The following CCDC171 variants were observed in gnomAD, a reference collection of about 807,000 sequenced individuals.
CCDC171 encodes the protein coiled-coil domain-containing protein 171.
A neutral mutation model predicts 168.2 loss-of-function variants in CCDC171; 177 were observed. The observed-to-expected ratio is 1.05, with a 90% confidence interval of 0.93 to 1.19. CCDC171 has a LOEUF of 1.19. Ranked by LOEUF, CCDC171 falls within the 50% of genes most tolerant of loss-of-function variation. CCDC171 has a pLI of 0.00. For synonymous variants in CCDC171, 687 were observed against 540.8 expected, an observed-to-expected ratio of 1.27 and a Z score of -3.75; for missense variants, 1,991 against 1,539.0, an observed-to-expected ratio of 1.29 and a Z score of -4.91.
At chr9:15,825,886 C>A (rs1296149647) in intron 21 of CCDC171, among the ~76,000 whole-genome samples, 1 of 152,118 alleles carries the variant, frequency 6.6e-6, no homozygotes, top group Non-Finnish European at 1.5e-5. Context: ...CACTAAGCTT[C>A]CAGAGGATTA....
rs367617040 is a variant in CCDC171 at position 15,631,120 on chromosome 9, G to A, written c.822+7707G>A. On this transcript the variant is annotated intron_variant, in intron 7 of 25. Coordinates refer to ENST00000380701, the MANE Select transcript of CCDC171 (RefSeq NM_173550.4). ...CATCACAATTAAAAGAACTAGAGAA[G>A]CAAGAGCAAACACATTCAAAAGCTA... Among the ~76,000 whole-genome samples, 108 of 152,054 alleles carry A rather than the reference G, an allele frequency of 7.1e-4. 2 individuals are homozygous for A. In the East Asian group the frequency reaches 0.018, roughly 26 times the overall value.
At chr9:15,620,431 A>G (rs956039390) in intron 6 of CCDC171, among the ~76,000 whole-genome samples, 4 of 152,166 alleles carry the variant, frequency 2.6e-5, no homozygotes, top group Non-Finnish European at 4.4e-5. Flanking sequence ...CTTCAGTGGA[A>G]TAAGTTACTG....
At chr9:15,984,726 T>G (rs1043888177) in intron 3 of CCDC171, among the ~76,000 whole-genome samples, 1 of 152,122 alleles carries the variant, frequency 6.6e-6, no homozygotes, top group Non-Finnish European at 1.5e-5. Context: ...ATTTGATATT[T>G]GATGAAAAGG....
intron 10 of CCDC171, among the ~76,000 whole-genome samples, chr9:15,690,100 AG>A: frequency 6.6e-6 from 1 of 152,184 alleles, no homozygotes; most frequent in East Asian, 1.9e-4. Context: ...GTGATTCTTT[AG>A]GCCTGGGGAT....
chr9:15,625,771 T>G (rs1399677600), intron 7 of CCDC171, among the ~76,000 whole-genome samples: 1 of 152,226 alleles, frequency 6.6e-6, no homozygotes, highest in Admixed American at 6.5e-5. Context: ...GCTTTGTTCT[T>G]TTTGCTTAGG....
rs1388456067 is a variant in CCDC171, at chr9:15,744,503, C to G, written c.2280C>G (p.Asn760Lys). The change falls in exon 17 of 26, where the codon AAC (asparagine) becomes AAG (lysine). Residue 760 changes from asparagine (N) to lysine (K), a missense_variant. Transcript: ENST00000380701. ...GAGATTTTCTCCAGGAGCAGGTCAA[C>G]ACCTTTGAGTTGTTCAAACTGGAAA... ...TQRDFLQEQV[N>K]TFELFKLEIR... The G allele has an allele frequency of 6.2e-7, 1 of 1,614,208 alleles. No individual in the cohort carries two copies. Among genetic ancestry groups the G allele is most frequent in the South Asian group, 1.1e-5 (1 of 91,088 alleles).
intron 11 of CCDC171, among the ~76,000 whole-genome samples, chr9:15,705,126 A>ACACACACT (rs149512066): frequency 9.4e-5 from 14 of 148,804 alleles, no homozygotes; most frequent in Admixed American, 7.3e-4. Context: ...ACACACTCTC[A>ACACACACT]CTCACTCAGA....
chr9:16,073,822 G>T, the CCDC171 span, among the ~76,000 whole-genome samples: 1 of 152,182 alleles, frequency 6.6e-6, no homozygotes, highest in African/African-American at 2.4e-5. Flanking sequence ...GGAGTTGTCA[G>T]TTTCTGTGAT....
intron 24 of CCDC171, among the ~76,000 whole-genome samples, chr9:15,890,905 T>C (rs961976114): frequency 1.3e-5 from 2 of 152,150 alleles, no homozygotes; most frequent in Non-Finnish European, 2.9e-5. Context: ...CCAAACCAAT[T>C]TGCTGTATTA....
chr9:15,701,246 T>C (rs1044953718), intron 11 of CCDC171, among the ~76,000 whole-genome samples: 1 of 152,228 alleles, frequency 6.6e-6, no homozygotes, highest in Non-Finnish European at 1.5e-5. Context: ...TGTAGTTTAA[T>C]ATAGTCCCTT....
intron 25 of CCDC171, among the ~76,000 whole-genome samples, chr9:15,928,890 G>T (rs938507249): frequency 6.6e-6 from 1 of 151,592 alleles, no homozygotes; most frequent in Non-Finnish European, 1.5e-5. Context: ...GGAGTTATTG[G>T]TGCATATTCC....
At chr9:15,731,301 C>T (rs1158076592) in intron 16 of CCDC171, among the ~76,000 whole-genome samples, 1 of 152,050 alleles carries the variant, frequency 6.6e-6, no homozygotes, top group African/African-American at 2.4e-5. Context: ...GTGATCATTA[C>T]CCCATTTAAG....
At chr9:15,906,699 AG>A (rs955462985) in intron 24 of CCDC171, among the ~76,000 whole-genome samples, 54 of 152,326 alleles carry the variant, frequency 3.5e-4, no homozygotes, top group African/African-American at 1.2e-3. Context: ...AAGGAAATAA[AG>A]GGTATTCAAT....
intron 1 of CCDC171, among the ~76,000 whole-genome samples, chr9:16,047,978 C>G (rs116428980): frequency 0.018 from 2,698 of 152,262 alleles, 76 homozygotes; most frequent in African/African-American, 0.06. Flanking sequence ...CGATGGCTCT[C>G]AGAGAGGTAG....
chr9:15,608,082 C>G (rs755030339), intron 6 of CCDC171, among the ~76,000 whole-genome samples: 7 of 152,140 alleles, frequency 4.6e-5, no homozygotes, highest in Non-Finnish European at 1.0e-4. Context: ...TGTGCCAGCT[C>G]AGGTCTCTCT....
chr9:15,603,443 C>T (rs969768764), intron 6 of CCDC171, among the ~76,000 whole-genome samples: 1 of 152,104 alleles, frequency 6.6e-6, no homozygotes, highest in Admixed American at 6.6e-5. Flanking sequence ...TGTGTTGTTC[C>T]CCTCCCTGTG....
At chr9:16,046,084 T>A (rs955044666) in intron 1 of CCDC171, among the ~76,000 whole-genome samples, 5 of 152,222 alleles carry the variant, frequency 3.3e-5, no homozygotes, top group Admixed American at 6.5e-5. Flanking sequence ...GACACAGTTA[T>A]TGAGGGCAAA....
rs780793426 is a variant in CCDC171, at chr9:15,744,365, A to G, written c.2142A>G (p.Lys714=). 1 of 1,614,170 alleles carries G rather than the reference A, an allele frequency of 6.2e-7. No individual in the cohort carries two copies. The highest frequency in any genetic ancestry group is 8.5e-7 in the Non-Finnish European group (1 of 1,180,014). Residue 714 remains lysine, a synonymous_variant, in exon 17 of 26, where the codon AAA becomes AAG. Coordinates refer to ENST00000380701, the MANE Select transcript of CCDC171 (RefSeq NM_173550.4). ...TGGTTCTTGAAAATTCGCACTTCAA[A>G]AAACTGTTATCACAGACTCAAAGGG... The part of the protein sequence containing the change: ...EQLVLENSHF[K]KLLSQTQREQ...
chr9:15,600,404 C>T (rs915087262), intron 6 of CCDC171, among the ~76,000 whole-genome samples: 22 of 152,186 alleles, frequency 1.4e-4, no homozygotes, highest in Non-Finnish European at 2.8e-4. Flanking sequence ...AGGTCCACTC[C>T]AGACCCTGTT....
Sources: allele counts gnomAD v4.1 joint callset (sites outside exome capture counted in the v4.1 genomes callset), GRCh38; gene constraint gnomAD v4.1.1; transcripts MANE v1.5; gene names NCBI Gene and HGNC (gene_info 2026-07-23, HGNC 2026-07-21).